Variants in PTK2 observed in about 807,000 individuals in gnomAD.
The protein encoded by PTK2 is focal adhesion kinase 1.
A neutral mutation model predicts 150.1 loss-of-function variants in PTK2; 45 were observed. That is an observed-to-expected ratio of 0.30 (90% confidence interval 0.24 to 0.38). The LOEUF (loss-of-function observed/expected upper bound fraction) is 0.38. Ranked by LOEUF, PTK2 falls within the 10% of genes least tolerant of loss-of-function variation. The probability of loss-of-function intolerance (pLI) is 1.00; values close to 1 mark genes in which losing one functional copy is unlikely to be tolerated. For synonymous variants in PTK2, 432 were observed against 449.2 expected, an observed-to-expected ratio of 0.96 and a Z score of 0.48; for missense variants, 919 against 1,307.3, an observed-to-expected ratio of 0.70 and a Z score of 4.58.
At chr8:140,907,254 T>A (rs2100161296) in intron 2 of PTK2, among the ~76,000 whole-genome samples, 1 of 152,312 alleles carries the variant, frequency 6.6e-6, no homozygotes, top group Middle Eastern at 3.4e-3. Flanking sequence ...TGAGTGAGTA[T>A]CCCTAACCTA....
chr8:140,851,858 CAAAAAA>C (rs34116543), intron 5 of PTK2, among the ~76,000 whole-genome samples: 1 of 137,790 alleles, frequency 7.3e-6, no homozygotes. Flanking sequence ...GACTTTATCT[CAAAAAA>C]AAAAAAAAAA....
At chr8:140,779,369 G>T (rs2100080391) in intron 14 of PTK2, among the ~76,000 whole-genome samples, 1 of 152,080 alleles carries the variant, frequency 6.6e-6, no homozygotes, top group African/African-American at 2.4e-5. Context: ...TGGGTGCTCA[G>T]AACTTTGAGG....
intron 14 of PTK2, 36 bp from the exon 15 acceptor site, chr8:140,770,835 G>T (rs2100075088): frequency 9.2e-7 from 1 of 1,083,412 alleles, no homozygotes; most frequent in Non-Finnish European, 1.2e-6. Context: ...GAGAAAAATA[G>T]AAACAAATTA....
chr8:140,769,676 GA>G, intron 14 of PTK2, 84 bp from the exon 16 acceptor site: 1 of 837,250 alleles, frequency 1.2e-6, no homozygotes, highest in East Asian at 5.0e-5. Flanking sequence ...GAAGAGAGGG[GA>G]AAACACTATT....
chr8:140,824,234 T>C (rs1437721948), intron 8 of PTK2, among the ~76,000 whole-genome samples: 1 of 152,222 alleles, frequency 6.6e-6, no homozygotes, highest in Non-Finnish European at 1.5e-5. Flanking sequence ...GTAATAACTA[T>C]GCAATGTTAA....
intron 1 of PTK2, among the ~76,000 whole-genome samples, chr8:140,990,882 T>G (rs2100195471): frequency 6.6e-6 from 1 of 152,176 alleles, no homozygotes; most frequent in African/African-American, 2.4e-5. Context: ...ATTATCAACA[T>G]GCTGAAAACC....
chr8:140,853,678 T>C (rs2100130785), intron 5 of PTK2, among the ~76,000 whole-genome samples: 1 of 152,146 alleles, frequency 6.6e-6, no homozygotes, highest in Admixed American at 6.5e-5. Flanking sequence ...ACACCCTTTA[T>C]TAACCATGAG....
At chr8:140,694,479 C>T (rs141295078) in intron 26 of PTK2, among the ~76,000 whole-genome samples, 165 of 152,242 alleles carry the variant, frequency 1.1e-3, no homozygotes, top group Non-Finnish European at 1.9e-3. Flanking sequence ...TGGTCTGCAA[C>T]GGTTTAGAAA....
At chr8:140,887,221 T>C (rs2100152632) in intron 3 of PTK2, among the ~76,000 whole-genome samples, 1 of 152,210 alleles carries the variant, frequency 6.6e-6, no homozygotes, top group Non-Finnish European at 1.5e-5. Context: ...AGAGTGCTTG[T>C]GTGACCCTCT....
chr8:140,931,433 T>C (rs11774672), intron 1 of PTK2, among the ~76,000 whole-genome samples: 63,420 of 151,054 alleles, frequency 0.42, 15,159 homozygotes, highest in Non-Finnish European at 0.55. Context: ...GGCATGGTGG[T>C]GCCTGCCTGT....
intron 14 of PTK2, among the ~76,000 whole-genome samples, chr8:140,776,907 GAAT>G (rs1412175483): frequency 6.6e-6 from 1 of 152,224 alleles, no homozygotes; most frequent in Non-Finnish European, 1.5e-5. Context: ...GCGAAGTGCT[GAAT>G]AATGAGTGAA....
At chr8:140,970,743 T>A (rs919623988) in intron 1 of PTK2, among the ~76,000 whole-genome samples, 1 of 152,198 alleles carries the variant, frequency 6.6e-6, no homozygotes, top group Non-Finnish European at 1.5e-5. Flanking sequence ...AATCTCAATC[T>A]GATTGCAGAT....
At chr8:140,696,997 G>A (rs1324349846) in intron 26 of PTK2, among the ~76,000 whole-genome samples, 2 of 151,994 alleles carry the variant, frequency 1.3e-5, no homozygotes, top group African/African-American at 4.8e-5. Context: ...AGCTGGGCGT[G>A]GTGGTGCGTG....
chr8:140,908,340 A>C (rs75965754), intron 2 of PTK2, among the ~76,000 whole-genome samples: 1 of 152,368 alleles, frequency 6.6e-6, no homozygotes, highest in Non-Finnish European at 1.5e-5. Context: ...GAAAAAAGCC[A>C]TCTCCACAGC....
At chr8:140,707,720 A>G (rs1245664581) in intron 23 of PTK2, among the ~76,000 whole-genome samples, 1 of 152,178 alleles carries the variant, frequency 6.6e-6, no homozygotes, top group Non-Finnish European at 1.5e-5. Flanking sequence ...GCACACTTTC[A>G]ATGGATAAAT....
chr8:140,659,516 C>T, exon 32 of PTK2: 1 of 1,613,572 alleles, frequency 6.2e-7, no homozygotes, highest in Non-Finnish European at 8.5e-7. Context: ...TGGTCAATGA[C>T]ATCGAGTAAG....
chr8:140,873,843 T>C (rs2100143991), intron 4 of PTK2, among the ~76,000 whole-genome samples: 1 of 152,240 alleles, frequency 6.6e-6, no homozygotes, highest in Admixed American at 6.5e-5. Flanking sequence ...TCTCCCACTT[T>C]GCAACTTGTT....
At chr8:140,753,711 A>G (rs748202465) in intron 16 of PTK2, among the ~76,000 whole-genome samples, 1 of 152,090 alleles carries the variant, frequency 6.6e-6, no homozygotes, top group Admixed American at 6.6e-5. Context: ...ATCATTTTAT[A>G]TATTATAATT....
At chr8:140,830,668 A>C (rs910331785) in intron 7 of PTK2, 142 bp from the exon 8 acceptor site, 5 of 533,308 alleles carry the variant, frequency 9.4e-6, no homozygotes, top group Non-Finnish European at 1.6e-5. Flanking sequence ...TAATGCTTTA[A>C]TTTACCAGTA....
Sources: gnomAD v4.1 joint callset for allele counts (sites outside exome capture counted in the v4.1 genomes callset) on GRCh38, gnomAD v4.1.1 for gene constraint, MANE v1.5 for transcripts, NCBI Gene and HGNC (gene_info 2026-07-23, HGNC 2026-07-21) for gene names.